The following BBX variants were observed in gnomAD, a reference collection of about 807,000 sequenced individuals.
BBX encodes the protein BBX high mobility group box domain containing, also known as HMG box transcription factor BBX.
BBX carries 30 observed loss-of-function variants against 100.2 expected under a neutral mutation model. The ratio of observed to expected loss-of-function variants is 0.30; its 90% CI spans 0.22 to 0.41. The LOEUF (loss-of-function observed/expected upper bound fraction) is 0.41, where lower values mean the gene tolerates loss of function less well. Among genes scored for constraint, BBX ranks in the 10% least tolerant of loss-of-function variants. The pLI is 1.00. For missense variants in BBX, 1,023 were observed against 1,129.8 expected, an observed-to-expected ratio of 0.91 and a Z score of 1.35; for synonymous variants, 376 against 388.1, an observed-to-expected ratio of 0.97 and a Z score of 0.37.
chr3:107,717,965 G>A (rs575932185), intron 5 of BBX, among the ~76,000 whole-genome samples: 2 of 151,722 alleles, frequency 1.3e-5, no homozygotes, highest in East Asian at 3.9e-4. Context: ...AAAATACAGA[G>A]TTTCAAGACA....
chr3:107,769,755 G>T (rs1276203237), intron 10 of BBX, among the ~76,000 whole-genome samples: 1 of 152,148 alleles, frequency 6.6e-6, no homozygotes, highest in African/African-American at 2.4e-5. Flanking sequence ...TTGTCTGATA[G>T]AGTGATACGC....
intron 3 of BBX, among the ~76,000 whole-genome samples, chr3:107,707,303 C>T (rs993808946): frequency 3.3e-5 from 5 of 152,150 alleles, no homozygotes; most frequent in African/African-American, 4.8e-5. Context: ...TTTTCAATTC[C>T]CTTTGTTTCC....
Position 107,791,232 on chromosome 3 carries a change from G to GT in BBX, c.2294-3dup. 1 of 1,611,452 alleles carries GT rather than the reference G, an allele frequency of 6.2e-7. No individual in the cohort carries two copies. Among genetic ancestry groups the GT allele is most frequent in the Non-Finnish European group, 8.5e-7 (1 of 1,178,178 alleles). On this transcript the variant is annotated splice_polypyrimidine_tract_variant and splice_region_variant and intron_variant, in intron 14 of 17. Coordinates refer to ENST00000325805, the MANE Select transcript of BBX (RefSeq NM_001142568.3). Reference sequence around the variant, plus strand: ...CACTTTTCTTTCCTTTTCTGTCATTGTTTTTAGGAAGTGGGGATAAATGGT... The same window carrying GT: ...CACTTTTCTTTCCTTTTCTGTCATTGTTTTTTAGGAAGTGGGGATAAATGGT...
At chr3:107,618,470 G>T (rs1394629328) in intron 2 of BBX, among the ~76,000 whole-genome samples, 1 of 151,734 alleles carries the variant, frequency 6.6e-6, no homozygotes, top group Non-Finnish European at 1.5e-5. Flanking sequence ...TTTTCTTCAG[G>T]TACCTGAGGT....
At chr3:107,685,159 T>G (rs921267668) in intron 3 of BBX, among the ~76,000 whole-genome samples, 2 of 152,156 alleles carry the variant, frequency 1.3e-5, no homozygotes, top group African/African-American at 4.8e-5. Flanking sequence ...TTATATAGAC[T>G]GACAGGAGGC....
intron 12 of BBX, among the ~76,000 whole-genome samples, chr3:107,777,687 T>C (rs771113780): frequency 1.3e-5 from 2 of 152,192 alleles, no homozygotes; most frequent in Non-Finnish European, 2.9e-5. Flanking sequence ...TCTGAAGTCA[T>C]TGATGATTTA....
chr3:107,725,138 G>C (rs1194499952), intron 5 of BBX, among the ~76,000 whole-genome samples: 1 of 152,094 alleles, frequency 6.6e-6, no homozygotes, highest in Non-Finnish European at 1.5e-5. Flanking sequence ...CTTGTAAGTT[G>C]GATTGCTAGG....
intron 2 of BBX, among the ~76,000 whole-genome samples, chr3:107,544,059 T>C (rs181695831): frequency 2.0e-5 from 3 of 152,328 alleles, no homozygotes; most frequent in Non-Finnish European, 4.4e-5. Context: ...TTGTAAGTTT[T>C]ATTTGGGAGA....
intron 7 of BBX, among the ~76,000 whole-genome samples, chr3:107,738,432 C>T (rs544797656): frequency 1.0e-3 from 154 of 152,254 alleles, no homozygotes; most frequent in African/African-American, 3.6e-3. Flanking sequence ...TGAACATTGC[C>T]TCCAAGGCTC....
intron 2 of BBX, among the ~76,000 whole-genome samples, chr3:107,573,906 C>T (rs144463912): frequency 7.2e-5 from 11 of 152,128 alleles, no homozygotes; most frequent in Non-Finnish European, 1.3e-4. Context: ...TTGTATTAGC[C>T]GGGAGACCGG....
At chr3:107,785,274 C>T (rs1449788971) in intron 13 of BBX, among the ~76,000 whole-genome samples, 2 of 151,434 alleles carry the variant, frequency 1.3e-5, no homozygotes, top group Non-Finnish European at 3.0e-5. Flanking sequence ...CAAATGAATC[C>T]AGAAATTACA....
intron 3 of BBX, among the ~76,000 whole-genome samples, chr3:107,658,255 A>AT (rs2058255015): frequency 6.6e-6 from 1 of 152,138 alleles, no homozygotes; most frequent in Admixed American, 6.5e-5. Flanking sequence ...ATCTTCTATA[A>AT]ATGTAGTTGT....
At chr3:107,604,001 C>T (rs2054249086) in intron 2 of BBX, among the ~76,000 whole-genome samples, 2 of 152,026 alleles carry the variant, frequency 1.3e-5, no homozygotes, top group African/African-American at 4.8e-5. Context: ...GGAACTGAAC[C>T]CATAGTATCT....
intron 11 of BBX, among the ~76,000 whole-genome samples, chr3:107,774,153 A>G (rs1038925369): frequency 6.6e-6 from 1 of 152,196 alleles, no homozygotes; most frequent in Non-Finnish European, 1.5e-5. Flanking sequence ...ATTTGAACCG[A>G]AGAGCTCTTT....
chr3:107,682,726 C>G (rs891755527), intron 3 of BBX, among the ~76,000 whole-genome samples: 1 of 152,108 alleles, frequency 6.6e-6, no homozygotes, highest in African/African-American at 2.4e-5. Flanking sequence ...AATACTGAAA[C>G]TATAAGATGT....
chr3:107,753,525 A>T (rs1434013068), intron 9 of BBX, among the ~76,000 whole-genome samples: 1 of 152,178 alleles, frequency 6.6e-6, no homozygotes, highest in African/African-American at 2.4e-5. Flanking sequence ...ACTAAACCTA[A>T]GGAGAGCATT....
chr3:107,710,981 C>G (rs1014687709), intron 4 of BBX, among the ~76,000 whole-genome samples: 2 of 152,190 alleles, frequency 1.3e-5, no homozygotes, highest in Non-Finnish European at 2.9e-5. Context: ...CTGGCCTCGC[C>G]CTGCTACCAT....
intron 17 of BBX, 69 bp downstream of exon 17, chr3:107,801,350 A>G: frequency 1.3e-6 from 2 of 1,521,710 alleles, no homozygotes; most frequent in Admixed American, 2.0e-5. Context: ...GTGATTTGTG[A>G]CATTTTTTAC....
chr3:107,767,129 A>G (rs1053532452), intron 10 of BBX, among the ~76,000 whole-genome samples: 2 of 152,204 alleles, frequency 1.3e-5, no homozygotes, highest in African/African-American at 4.8e-5. Flanking sequence ...GCAGCAGACC[A>G]CCATGGCATG....
Sources: gnomAD v4.1 joint callset for allele counts (sites outside exome capture counted in the v4.1 genomes callset) on GRCh38, gnomAD v4.1.1 for gene constraint, MANE v1.5 for transcripts, NCBI Gene and HGNC (gene_info 2026-07-23, HGNC 2026-07-21) for gene names.